COQ3: variants seen among roughly 807,000 people sequenced by gnomAD.
COQ3 encodes the protein coenzyme Q3, methyltransferase.
A neutral mutation model predicts 33.1 loss-of-function variants in COQ3; 29 were observed. That is an observed-to-expected ratio of 0.88 (90% confidence interval 0.65 to 1.19). The LOEUF is 1.19. Among genes scored for constraint, COQ3 ranks in the 50% most tolerant of loss-of-function variants. The pLI is 0.00. For missense variants in COQ3, 437 were observed against 430.7 expected (o/e 1.01, Z -0.13); for synonymous variants, 173 against 157.8 (o/e 1.10, Z -0.72).
In COQ3 at chr6:99,380,130, T is replaced by G. The variant is rs1258102492; in HGVS notation, c.386+59A>C. On this transcript the variant is annotated intron_variant, in intron 3 of 6. Coordinates refer to ENST00000254759, the MANE Select transcript of COQ3 (RefSeq NM_017421.4). Reference sequence around the variant, plus strand: ...GTATAAACTAAGAAAAAAATGAATGTGAAATATGAATTCTTAAAAAGTTCC... The same window carrying G: ...GTATAAACTAAGAAAAAAATGAATGGGAAATATGAATTCTTAAAAAGTTCC... The G allele has an allele frequency of 4.0e-6, 6 of 1,513,988 alleles. No homozygotes were observed. In the South Asian group the frequency reaches 4.8e-5, roughly 12 times the overall value. The allele number at this position is 1,513,988 out of a possible 1,614,324, so 93.8% of individuals were successfully genotyped here.
chr6:99,371,662 CT>C lies in COQ3; in HGVS notation c.730-76del, dbSNP rs1439598454. On this transcript the variant is annotated intron_variant, in intron 5 of 6. Transcript: ENST00000254759. ...TCACTTAAGTAAAAGCTGTTTCCCCCTCCCTCCTCCTTTCTTCCAAATAATC... is the reference window on the plus strand; with the variant it reads ...TCACTTAAGTAAAAGCTGTTTCCCCCCCCTCCTCCTTTCTTCCAAATAATC... The C allele has an allele frequency of 2.1e-5, 19 of 918,554 alleles. No homozygotes were observed. In the East Asian group the frequency reaches 4.6e-4, roughly 22 times the overall value. The allele number at this position is 918,554 out of a possible 1,614,324, so 56.9% of individuals were successfully genotyped here. A position where few individuals can be genotyped will look rare whatever the true frequency, so the allele number is the denominator to read the frequency against.
intron 1 of COQ3, among the ~76,000 whole-genome samples, chr6:99,390,524 G>T (rs11760075): frequency 3.3e-5 from 5 of 151,906 alleles, no homozygotes; most frequent in East Asian, 1.9e-4. Context: ...TAGTAGAGAC[G>T]GGTTTCACCG....
chr6:99,378,210 T>A (rs1445401475), intron 3 of COQ3, among the ~76,000 whole-genome samples: 2 of 145,096 alleles, frequency 1.4e-5, no homozygotes, highest in African/African-American at 5.0e-5. Flanking sequence ...ATTATACTTA[T>A]ATTAAAATAA....
chr6:99,369,806 G>T lies in COQ3; in HGVS notation c.904C>A (p.Gln302Lys). 6.3e-7 allele frequency: 1 copy of T among 1,580,178 alleles called. No homozygotes were observed. Among genetic ancestry groups the T allele is most frequent in the Non-Finnish European group, 8.6e-7 (1 of 1,159,770 alleles). ...SILESNGLSV[Q>K]TVVGMLYNPF... ...TTATAGAGCATTCCTACCACTGTTT[G>T]AACTGACAGACCATCTGAAAAAAAA... The change falls in exon 7 of 7, where the codon CAA becomes AAA. Residue 302 changes from glutamine to lysine, a missense_variant. Coordinates refer to ENST00000254759, the MANE Select transcript of COQ3 (RefSeq NM_017421.4).
intron 1 of COQ3, among the ~76,000 whole-genome samples, chr6:99,388,509 T>TA (rs1774720750): frequency 6.6e-6 from 1 of 151,760 alleles, no homozygotes; most frequent in East Asian, 1.9e-4. Flanking sequence ...CAATAGCCTT[T>TA]TTTTTTTGAT....
intron 4 of COQ3, 103 bp from the exon 5 acceptor site, chr6:99,376,285 A>T: frequency 8.5e-7 from 1 of 1,177,900 alleles, no homozygotes; most frequent in Non-Finnish European, 1.2e-6. Context: ...TGAGGTGATA[A>T]ATACTGGACA....
chr6:99,381,664 G>T (rs1207615375), intron 2 of COQ3, among the ~76,000 whole-genome samples: 1 of 152,090 alleles, frequency 6.6e-6, no homozygotes. Context: ...GGTGGCTGAC[G>T]TCTGTAATCG....
Position 99,369,643 on chromosome 6 carries a change from T to C in COQ3, c.1067A>G (p.Asn356Ser). Residue 356 changes from asparagine (N) to serine (S), a missense_variant, in exon 7 of 7, where the codon AAT becomes AGT. By Grantham distance (46) the Asn-to-Ser change is conservative. Transcript: ENST00000254759. ...LKGETEELQA[N>S]ACTNPAVHEK... Reference sequence around the variant, plus strand: ...ATGCACAGCTGGATTGGTGCAGGCATTAGCTTGGAGCTCTTCTGTTTCTCC... The same window carrying C: ...ATGCACAGCTGGATTGGTGCAGGCACTAGCTTGGAGCTCTTCTGTTTCTCC... 6.2e-7 allele frequency: 1 copy of C among 1,614,148 alleles called. No individual in the cohort carries two copies. The highest frequency in any genetic ancestry group is 8.5e-7 in the Non-Finnish European group (1 of 1,179,988).
Position 99,394,058 on chromosome 6 carries a change from C to G in COQ3, c.106+16G>C, listed in dbSNP as rs1774906556. The stretch of plus-strand genomic sequence containing the variant: ...GCAATTGACTGCATGCGAAGGACCT[C>G]CGCACACACACTCACCCGCCGAGGA... On this transcript the variant is annotated intron_variant, in intron 1 of 6. Coordinates refer to ENST00000254759, the MANE Select transcript of COQ3 (RefSeq NM_017421.4). The G allele has an allele frequency of 1.9e-6, 3 of 1,596,704 alleles. No individual in the cohort carries two copies. Among genetic ancestry groups the G allele is most frequent in the Non-Finnish European group, 2.6e-6 (3 of 1,164,212 alleles).
At chr6:99,385,272 A>G (rs549386677) in intron 1 of COQ3, among the ~76,000 whole-genome samples, 1 of 152,338 alleles carries the variant, frequency 6.6e-6, no homozygotes, top group South Asian at 2.1e-4. Flanking sequence ...AGGGATAAAG[A>G]AGAACAGAAC....
intron 3 of COQ3, among the ~76,000 whole-genome samples, chr6:99,379,522 C>T (rs1774407483): frequency 6.6e-6 from 1 of 152,198 alleles, no homozygotes; most frequent in South Asian, 2.1e-4. Context: ...TTTACCAGAA[C>T]TGCCTAAGTC....
intron 1 of COQ3, among the ~76,000 whole-genome samples, chr6:99,393,381 C>A (rs1243083260): frequency 6.6e-6 from 1 of 151,692 alleles, no homozygotes; most frequent in Non-Finnish European, 1.5e-5. Context: ...TTTTTTTGTT[C>A]ATTATATCCT....
chr6:99,387,970 G>A (rs1476412484), intron 1 of COQ3, among the ~76,000 whole-genome samples: 5 of 152,084 alleles, frequency 3.3e-5, no homozygotes, highest in Non-Finnish European at 7.3e-5. Flanking sequence ...TTCGAGACCA[G>A]CCTGACCAAC....
intron 3 of COQ3, among the ~76,000 whole-genome samples, chr6:99,377,952 A>G (rs1774342019): frequency 6.6e-6 from 1 of 151,606 alleles, no homozygotes; most frequent in South Asian, 2.1e-4. Flanking sequence ...CTTCTAAATG[A>G]GTGGTGTTTT....
intron 1 of COQ3, among the ~76,000 whole-genome samples, chr6:99,393,042 A>C (rs981778563): frequency 4.6e-5 from 7 of 152,176 alleles, no homozygotes; most frequent in South Asian, 2.1e-4. Flanking sequence ...TATAAAAGAC[A>C]CATGTTTACT....
chr6:99,391,618 C>T (rs1774833293), intron 1 of COQ3, among the ~76,000 whole-genome samples: 1 of 152,082 alleles, frequency 6.6e-6, no homozygotes, highest in Non-Finnish European at 1.5e-5. Flanking sequence ...TACGGACAGA[C>T]AACCCTTGAT....
At chr6:99,385,241 A>C (rs1774591018) in intron 1 of COQ3, among the ~76,000 whole-genome samples, 1 of 152,256 alleles carries the variant, frequency 6.6e-6, no homozygotes, top group African/African-American at 2.4e-5. Flanking sequence ...AATTGATAGA[A>C]CCACTGGATA....
At chr6:99,374,740 C>T (rs13200413) in intron 5 of COQ3, among the ~76,000 whole-genome samples, 17,453 of 152,104 alleles carry the variant, frequency 0.11, 1,297 homozygotes, top group Non-Finnish European at 0.16. Context: ...ACTTAAATGC[C>T]TAGAGACCTC....
rs1774907930 is a variant in COQ3 at position 99,394,076 on chromosome 6, G to A, written c.104C>T (p.Ala35Val). ...AGGACCTCCGCACACACACTCACCC[G>A]CCGAGGAAATTAAGGGACGCGCAGC... ...TKAARPLISS[A>V]VYVKNQLSGT... Residue 35 changes from alanine to valine, a missense_variant and splice_region_variant, in exon 1 of 7, where the codon GCG (alanine) becomes GTG (valine). By Grantham distance (64) the Ala-to-Val change is moderately conservative. Coordinates refer to ENST00000254759, the MANE Select transcript of COQ3 (RefSeq NM_017421.4). 2 of 1,612,798 alleles carry A rather than the reference G, an allele frequency of 1.2e-6. No homozygotes were observed. Among genetic ancestry groups the A allele is most frequent in the Non-Finnish European group, 1.7e-6 (2 of 1,179,012 alleles).
Sources: allele counts gnomAD v4.1 joint callset (sites outside exome capture counted in the v4.1 genomes callset), GRCh38; gene constraint gnomAD v4.1.1; transcripts MANE v1.5; gene names NCBI Gene and HGNC (gene_info 2026-07-23, HGNC 2026-07-21).